The following ST6GALNAC1 variants were observed in gnomAD, a reference collection of about 807,000 sequenced individuals.
ST6GALNAC1 encodes ST6 N-acetylgalactosaminide alpha-2,6-sialyltransferase 1.
A neutral mutation model predicts 56.8 loss-of-function variants in ST6GALNAC1; 45 were observed. The ratio of observed to expected loss-of-function variants is 0.79; its 90% CI spans 0.62 to 1.02. ST6GALNAC1 has a LOEUF of 1.02. Ranked by LOEUF, ST6GALNAC1 falls within the 50% of genes least tolerant of loss-of-function variation. The pLI, the probability that ST6GALNAC1 is intolerant of heterozygous loss-of-function variation, is 0.00. For synonymous variants in ST6GALNAC1, 295 were observed against 297.8 expected (o/e 0.99, Z 0.10); for missense variants, 743 against 754.8 (o/e 0.98, Z 0.18).
At chr17:76,628,160 G>A (rs2075835484) in intron 2 of ST6GALNAC1, among the ~76,000 whole-genome samples, 1 of 151,280 alleles carries the variant, frequency 6.6e-6, no homozygotes, top group Admixed American at 6.6e-5. Flanking sequence ...CGCATCCTGG[G>A]AATGTGGCAT....
At chr17:76,637,838 C>G (rs1225827982) in intron 1 of ST6GALNAC1, 2 of 395,928 alleles carry the variant, frequency 5.1e-6, no homozygotes, top group Non-Finnish European at 8.9e-6. Flanking sequence ...AAGTTCTGTT[C>G]TTTTCTTTTT....
Position 76,625,190 on chromosome 17 carries a change from A to C in ST6GALNAC1, c.*140T>G. On this transcript the variant is annotated 3_prime_UTR_variant, in exon 9 of 9. Transcript: ENST00000156626. ...TTGCCATCTTGAGAGAGTCTTGTCC[A>C]TGGTTCAAGTGTTCCCTTGGAACTC... 1.2e-6 allele frequency: 1 copy of C among 841,498 alleles called. No homozygotes were observed. Among genetic ancestry groups the C allele is most frequent in the Non-Finnish European group, 1.8e-6 (1 of 552,866 alleles). The allele number at this position is 841,498 out of a possible 1,614,324, so 52.1% of individuals were successfully genotyped here. A position where few individuals can be genotyped will look rare whatever the true frequency, so the allele number is the denominator to read the frequency against.
rs568166785 is a variant in ST6GALNAC1 at position 76,627,381 on chromosome 17, C to T, written c.1000+34G>A. ...CTCTGCCCTCTGCCCCGGCCTACTGCGCACCCACACCTTCCCCTGGGTTAA... is the reference window on the plus strand; with the variant it reads ...CTCTGCCCTCTGCCCCGGCCTACTGTGCACCCACACCTTCCCCTGGGTTAA... On this transcript the variant is annotated intron_variant, in intron 3 of 8. Transcript: ENST00000156626. This position sits in a 1 kb window ranked among gnomAD's most constrained non-coding sequence, Gnocchi z 4.4. 45 of 1,611,588 alleles carry T rather than the reference C, an allele frequency of 2.8e-5. No homozygotes were observed. The highest frequency in any genetic ancestry group is 2.0e-4 in the Admixed American group (12 of 59,840).
chr17:76,628,265 TCCC>T lies in ST6GALNAC1; in HGVS notation c.832-685_832-683del, dbSNP rs1598293496. Among the ~76,000 whole-genome samples the T allele has an allele frequency of 7.6e-3, 229 of 30,184 alleles. 2 individuals carry two copies. Among genetic ancestry groups the T allele is most frequent in the Admixed American group, 0.057 (160 of 2,794 alleles). The allele number at this position is 30,184 out of a possible 152,430, so 19.8% of individuals were successfully genotyped here. A position where few individuals can be genotyped will look rare whatever the true frequency, so the allele number is the denominator to read the frequency against. ...CTCCCTCCCTCCCTCCCTCCCTCCC[TCCC>T]TCCTTCCTTCCTTCCTTCCTTCCGT... On this transcript the variant is annotated intron_variant, in intron 2 of 8. Coordinates refer to ENST00000156626, the MANE Select transcript of ST6GALNAC1 (RefSeq NM_018414.5).
intron 1 of ST6GALNAC1, among the ~76,000 whole-genome samples, chr17:76,641,288 G>T (rs2076044990): frequency 6.6e-6 from 1 of 152,092 alleles, no homozygotes; most frequent in African/African-American, 2.4e-5. Flanking sequence ...GACTGGGCCA[G>T]TGCACCTTAA....
Position 76,627,345 on chromosome 17 carries a change from A to AGCCAGCT in ST6GALNAC1, c.1000+63_1000+69dup. 1 of 1,536,020 alleles carries AGCCAGCT rather than the reference A, an allele frequency of 6.5e-7. No individual in the cohort carries two copies. On this transcript the variant is annotated intron_variant, in intron 3 of 8. Coordinates refer to ENST00000156626, the MANE Select transcript of ST6GALNAC1 (RefSeq NM_018414.5). This position sits in a 1 kb window ranked among gnomAD's most constrained non-coding sequence, Gnocchi z 4.4. Reference sequence around the variant, plus strand: ...ACCCCAGGGAAGAGGCAGACCAGAAAGCCAGCTGCCCTCTGCCCTCTGCCC... The same window carrying AGCCAGCT: ...ACCCCAGGGAAGAGGCAGACCAGAAAGCCAGCTGCCAGCTGCCCTCTGCCCTCTGCCC...
intron 1 of ST6GALNAC1, among the ~76,000 whole-genome samples, chr17:76,639,597 A>G (rs936640581): frequency 2.0e-5 from 3 of 151,538 alleles, no homozygotes; most frequent in Non-Finnish European, 4.4e-5. Context: ...AAGAAATTAC[A>G]TAATTCATGT....
chr17:76,633,801 A>G (rs777190111), intron 1 of ST6GALNAC1: 3 of 152,060 alleles, frequency 2.0e-5, no homozygotes, highest in Non-Finnish European at 2.9e-5. Flanking sequence ...TTCAGTGTAC[A>G]TCACCAAGGG....
chr17:76,643,425 C>A, intron 1 of ST6GALNAC1, 83 bp downstream of exon 1: 1 of 1,509,014 alleles, frequency 6.6e-7, no homozygotes, highest in Non-Finnish European at 9.0e-7. Context: ...GTGGCTCAGA[C>A]TTCCCCAGTC....
chr17:76,624,227 ATTTG>A (rs1363928401), downstream of ST6GALNAC1, among the ~76,000 whole-genome samples: 1 of 151,646 alleles, frequency 6.6e-6, no homozygotes, highest in East Asian at 1.9e-4. Context: ...TTATTTATTT[ATTTG>A]TTTATTTATT....
chr17:76,639,835 A>G (rs182962309), intron 1 of ST6GALNAC1, among the ~76,000 whole-genome samples: 94 of 151,850 alleles, frequency 6.2e-4, no homozygotes, highest in African/African-American at 2.1e-3. Context: ...GAAGCTGGAG[A>G]GAGGCGGGCA....
chr17:76,625,691 A>G, intron 8 of ST6GALNAC1, 128 bp downstream of exon 8: 1 of 1,125,510 alleles, frequency 8.9e-7, no homozygotes. Flanking sequence ...ATGCACCCAT[A>G]CTCATGCCCA....
chr17:76,619,369 G>T, the ST6GALNAC1 span, among the ~76,000 whole-genome samples: 262 of 152,284 alleles, frequency 1.7e-3, 2 homozygotes, highest in African/African-American at 6.1e-3. Context: ...GTGTGTGCAT[G>T]TTTATAGGCA....
chr17:76,624,339 C>T (rs753809485), downstream of ST6GALNAC1, among the ~76,000 whole-genome samples: 10 of 152,058 alleles, frequency 6.6e-5, no homozygotes, highest in Non-Finnish European at 1.0e-4. Flanking sequence ...CAACTCTGCC[C>T]CCCAGGTTCA....
At chr17:76,638,153 C>T (rs765646441) in intron 1 of ST6GALNAC1, among the ~76,000 whole-genome samples, 17 of 145,982 alleles carry the variant, frequency 1.2e-4, no homozygotes, top group African/African-American at 2.3e-4. Context: ...CGAATTTGCA[C>T]GTCATCCTTG....
At chr17:76,623,068 A>C (rs574785322), downstream of ST6GALNAC1, among the ~76,000 whole-genome samples, 20 of 152,202 alleles carry the variant, frequency 1.3e-4, no homozygotes, top group Non-Finnish European at 2.6e-4. Flanking sequence ...TCATTTTTTT[A>C]CATTTAGATC....
chr17:76,633,592 A>T (rs1377026540), intron 1 of ST6GALNAC1: 1 of 152,224 alleles, frequency 6.6e-6, no homozygotes, highest in Non-Finnish European at 1.5e-5. Context: ...GAAAATAGTT[A>T]TCTGGCAACA....
chr17:76,620,933 T>G (rs2075733682), downstream of ST6GALNAC1, among the ~76,000 whole-genome samples: 2 of 152,114 alleles, frequency 1.3e-5, no homozygotes, highest in Admixed American at 1.3e-4. Flanking sequence ...GCATAAGTAC[T>G]GTTGAATTAA....
At chr17:76,636,836 A>T (rs1313823308) in intron 1 of ST6GALNAC1, among the ~76,000 whole-genome samples, 1 of 151,548 alleles carries the variant, frequency 6.6e-6, no homozygotes, top group African/African-American at 2.4e-5. Flanking sequence ...AAAAGGGGGA[A>T]ATGTGGGGAA....
Sources: gnomAD v4.1 joint callset for allele counts (sites outside exome capture counted in the v4.1 genomes callset) on GRCh38, gnomAD v4.1.1 for gene constraint, Gnocchi (gnomAD v3.1) non-coding constraint, MANE v1.5 for transcripts, NCBI Gene and HGNC (gene_info 2026-07-23, HGNC 2026-07-21) for gene names.